TANC1: variants seen among roughly 807,000 people sequenced by gnomAD.
The protein encoded by TANC1 is protein TANC1.
A neutral mutation model predicts 149.7 loss-of-function variants in TANC1; 77 were observed. The ratio of observed to expected loss-of-function variants is 0.51; its 90% CI spans 0.43 to 0.62. The LOEUF is 0.62. Ranked by LOEUF, TANC1 falls within the 20% of genes least tolerant of loss-of-function variation. The probability of loss-of-function intolerance (pLI) is 0.00; values close to 1 mark genes in which losing one functional copy is unlikely to be tolerated. For missense variants in TANC1, 1,985 were observed against 2,321.8 expected (o/e 0.85, Z 2.98); for synonymous variants, 854 against 925.0 (o/e 0.92, Z 1.39).
intron 4 of TANC1, among the ~76,000 whole-genome samples, chr2:159,100,874 AT>A (rs199580477): frequency 1.3e-4 from 19 of 150,842 alleles, no homozygotes; most frequent in Admixed American, 1.1e-3. Context: ...GGTTTTAATA[AT>A]TTAAAAAAAA....
At chr2:159,173,455 A>G (rs2055487225) in intron 11 of TANC1, among the ~76,000 whole-genome samples, 1 of 152,110 alleles carries the variant, frequency 6.6e-6, no homozygotes, top group Admixed American at 6.5e-5. Context: ...AAATACAAAA[A>G]TTAGCCAGGC....
intron 7 of TANC1, among the ~76,000 whole-genome samples, chr2:159,155,894 T>A (rs1171831219): frequency 6.6e-6 from 1 of 151,762 alleles, no homozygotes; most frequent in Non-Finnish European, 1.5e-5. Flanking sequence ...TTAGGATGTT[T>A]AAAAAAAAAT....
chr2:159,173,828 T>C (rs1391353918), intron 11 of TANC1, among the ~76,000 whole-genome samples: 1 of 152,174 alleles, frequency 6.6e-6, no homozygotes, highest in Non-Finnish European at 1.5e-5. Flanking sequence ...ACCAAAAGTC[T>C]CATGGCAACT....
intron 23 of TANC1, 146 bp from the exon 24 acceptor site, chr2:159,225,542 C>A: frequency 1.5e-6 from 1 of 653,314 alleles, no homozygotes; most frequent in Admixed American, 2.6e-5. Flanking sequence ...ACAGCCTCGC[C>A]GGCGTCCTGC....
At chr2:159,083,565 T>A (rs766641067) in intron 3 of TANC1, among the ~76,000 whole-genome samples, 2 of 152,220 alleles carry the variant, frequency 1.3e-5, no homozygotes, top group Admixed American at 6.5e-5. Flanking sequence ...TTATGTTGAT[T>A]TCCTTGTCAA....
chr2:159,086,332 C>G (rs2044850084), intron 3 of TANC1, among the ~76,000 whole-genome samples: 2 of 151,932 alleles, frequency 1.3e-5, no homozygotes, highest in Admixed American at 6.6e-5. Context: ...GGCACTAGAT[C>G]TTGGACCCTG....
intron 5 of TANC1, among the ~76,000 whole-genome samples, chr2:159,138,294 C>T (rs538807734): frequency 2.0e-5 from 3 of 152,102 alleles, no homozygotes; most frequent in Non-Finnish European, 4.4e-5. Flanking sequence ...GTGTAGTTCA[C>T]GTCTGTGGGT....
At chr2:159,180,368 G>A (rs762217795) in intron 14 of TANC1, among the ~76,000 whole-genome samples, 3 of 152,218 alleles carry the variant, frequency 2.0e-5, no homozygotes, top group Non-Finnish European at 2.9e-5. Flanking sequence ...AGTTTGTAGA[G>A]ACATAAAAAC....
intron 2 of TANC1, chr2:159,056,742 G>A: frequency 3.3e-6 from 1 of 304,142 alleles, no homozygotes; most frequent in East Asian, 7.4e-5. Flanking sequence ...CTTGCCAGCA[G>A]TGTAGCACAA....
intron 7 of TANC1, among the ~76,000 whole-genome samples, chr2:159,154,979 T>C (rs991693265): frequency 6.6e-6 from 1 of 152,226 alleles, no homozygotes; most frequent in Non-Finnish European, 1.5e-5. Flanking sequence ...CCTTTGAATA[T>C]GTCTTGCTTC....
At chr2:159,068,727 T>A (rs926238600) in intron 3 of TANC1, among the ~76,000 whole-genome samples, 2 of 152,162 alleles carry the variant, frequency 1.3e-5, no homozygotes, top group Non-Finnish European at 2.9e-5. Context: ...GTTTGTTGGT[T>A]CTTATTCTTT....
intron 3 of TANC1, among the ~76,000 whole-genome samples, chr2:159,074,318 C>A (rs1037476565): frequency 1.3e-5 from 2 of 152,144 alleles, no homozygotes; most frequent in Non-Finnish European, 2.9e-5. Context: ...CCTTCAACTG[C>A]TAGATTTGGT....
At chr2:158,971,306 G>T (rs1224320970) in intron 1 of TANC1, among the ~76,000 whole-genome samples, 1 of 152,084 alleles carries the variant, frequency 6.6e-6, no homozygotes. Flanking sequence ...TTATGTCGTT[G>T]TTTCCATTAG....
chr2:159,166,392 C>T (rs1206519962), intron 8 of TANC1, among the ~76,000 whole-genome samples: 1 of 152,110 alleles, frequency 6.6e-6, no homozygotes, highest in Non-Finnish European at 1.5e-5. Flanking sequence ...TCTGCCTTGC[C>T]CCACCAAGCC....
chr2:159,121,335 G>A (rs769476869), intron 4 of TANC1, among the ~76,000 whole-genome samples: 2 of 152,124 alleles, frequency 1.3e-5, no homozygotes, highest in Non-Finnish European at 2.9e-5. Context: ...AATTTTCTCC[G>A]CTATTGTTGT....
At chr2:159,160,450 G>A (rs1191724079) in intron 7 of TANC1, among the ~76,000 whole-genome samples, 2 of 152,118 alleles carry the variant, frequency 1.3e-5, no homozygotes, top group Non-Finnish European at 2.9e-5. Context: ...TTGAATTTCT[G>A]TAAGGTTGGA....
chr2:159,119,402 C>A (rs1431634034), intron 4 of TANC1, among the ~76,000 whole-genome samples: 1 of 152,066 alleles, frequency 6.6e-6, no homozygotes, highest in Non-Finnish European at 1.5e-5. Flanking sequence ...TGACTGTTAG[C>A]AGGTGCTAAG....
chr2:159,197,121 T>G (rs1283059248), intron 18 of TANC1, among the ~76,000 whole-genome samples: 1 of 152,214 alleles, frequency 6.6e-6, no homozygotes, highest in African/African-American at 2.4e-5. Context: ...TTGATTCGTT[T>G]CTTCTGTCCT....
intron 3 of TANC1, among the ~76,000 whole-genome samples, chr2:159,069,828 G>A (rs1280290978): frequency 6.7e-6 from 1 of 149,732 alleles, no homozygotes; most frequent in Non-Finnish European, 1.5e-5. Context: ...GAGTGCAGTG[G>A]CGTGATCTCG....
Sources: gnomAD v4.1 joint callset for allele counts (sites outside exome capture counted in the v4.1 genomes callset) on GRCh38, gnomAD v4.1.1 for gene constraint, MANE v1.5 for transcripts, NCBI Gene and HGNC (gene_info 2026-07-23, HGNC 2026-07-21) for gene names.